Variants in GRIP2 observed in about 807,000 individuals in gnomAD.
The protein encoded by GRIP2 is glutamate receptor-interacting protein 2.
A neutral mutation model predicts 108.3 loss-of-function variants in GRIP2; 58 were observed. The ratio of observed to expected loss-of-function variants is 0.54; its 90% confidence interval spans 0.43 to 0.67. The LOEUF is 0.67. GRIP2 is among the 30% of genes least tolerant of loss of function. The pLI is 0.00. For missense variants in GRIP2, 1,278 were observed against 1,430.6 expected (o/e 0.89, Z 1.72); for synonymous variants, 586 against 598.2 (o/e 0.98, Z 0.30).
upstream of GRIP2, among the ~76,000 whole-genome samples, chr3:14,559,567 C>T (rs13084053): frequency 0.22 from 34,045 of 151,860 alleles, 4,163 homozygotes; most frequent in South Asian, 0.33. Flanking sequence ...TATTTCTCTG[C>T]CTCGTCCCAA....
the GRIP2 span, among the ~76,000 whole-genome samples, chr3:14,589,049 C>T: frequency 6.6e-6 from 1 of 152,210 alleles, no homozygotes; most frequent in Non-Finnish European, 1.5e-5. Flanking sequence ...CAAGCAAAAC[C>T]ATCTCAAGTC....
upstream of GRIP2, among the ~76,000 whole-genome samples, chr3:14,558,931 C>T (rs1374991698): frequency 6.6e-6 from 1 of 152,222 alleles, no homozygotes; most frequent in Non-Finnish European, 1.5e-5. Flanking sequence ...CTACGGCTGT[C>T]CTGGGTCAAA....
At chr3:14,515,805 A>G (rs750189826) in intron 11 of GRIP2, among the ~76,000 whole-genome samples, 4 of 151,652 alleles carry the variant, frequency 2.6e-5, no homozygotes, top group Non-Finnish European at 5.9e-5. Flanking sequence ...AATTTGTTGT[A>G]TTTTTGGTAG....
At chr3:14,594,938 C>T in the GRIP2 span, among the ~76,000 whole-genome samples, 1 of 152,182 alleles carries the variant, frequency 6.6e-6, no homozygotes, top group Non-Finnish European at 1.5e-5. Context: ...ACCCTGTCAC[C>T]CAGGCCAAAG....
In GRIP2 at chr3:14,517,835, G is replaced by C. The variant is rs1444430398; in HGVS notation, c.1093C>G (p.Pro365Ala). The change falls in exon 10 of 24, where the codon CCC becomes GCC. Residue 365 changes from proline (P) to alanine (A), a missense_variant. Transcript: ENST00000621039. ...GGCATCCTGCAGTGGCCGGGCCGGG[G>C]GCTGTGGCAGGAGGGCACGCAGGGG... ...WDPCVPSCHSPRPGHCRMPTW... is the reference protein window; with the variant it reads ...WDPCVPSCHSARPGHCRMPTW... 4.4e-6 allele frequency: 7 copies of C among 1,604,266 alleles called. No individual in the cohort carries two copies. The East Asian group carries it at 1.1e-4, about 26-fold the overall frequency.
the GRIP2 span, among the ~76,000 whole-genome samples, chr3:14,603,004 C>A: frequency 2.0e-5 from 3 of 146,920 alleles, no homozygotes; most frequent in Non-Finnish European, 4.5e-5. Flanking sequence ...CCCTGCGGCC[C>A]GGCCCGGCCT....
In GRIP2 at chr3:14,509,890, T is replaced by C. The variant is rs1206827375; in HGVS notation, c.2008A>G (p.Ile670Val). 6.5e-7 allele frequency: 1 copy of C among 1,547,228 alleles called. No homozygotes were observed. The highest frequency in any genetic ancestry group is 1.2e-5 in the South Asian group (1 of 81,798). ...TCAAAAGGTTCCTCCGTGCCCGAAA[T>C]GGTGATGCCCAGGGGACCCCCGTAG... ...KRYGGPLGIT[I>V]SGTEEPFDPI... is the part of the protein sequence containing the mutation. The change falls in exon 17 of 24, where the codon ATT becomes GTT. Residue 670 changes from isoleucine (I) to valine (V), a missense_variant. By Grantham distance (29) the Ile-to-Val change is conservative. Transcript: ENST00000621039.
the GRIP2 span, among the ~76,000 whole-genome samples, chr3:14,586,807 A>G: frequency 6.6e-6 from 1 of 152,226 alleles, no homozygotes; most frequent in Non-Finnish European, 1.5e-5. Context: ...ACCATGGGGG[A>G]ACAGGTAAAT....
the GRIP2 span, among the ~76,000 whole-genome samples, chr3:14,590,934 A>AT: frequency 2.0e-5 from 3 of 152,288 alleles, no homozygotes; most frequent in East Asian, 5.8e-4. Flanking sequence ...CTGGTAACTG[A>AT]TTTTTTAAGC....
chr3:14,574,174 A>G, the GRIP2 span: 1 of 890,774 alleles, frequency 1.1e-6, no homozygotes, highest in Non-Finnish European at 1.9e-6. Flanking sequence ...GTGACGAGCA[A>G]GTGCACGAAG....
chr3:14,573,113 G>T, the GRIP2 span: 6 of 1,431,306 alleles, frequency 4.2e-6, no homozygotes, highest in African/African-American at 5.6e-5. Flanking sequence ...GGGCAAAGTT[G>T]TCGATCCAGG....
the GRIP2 span, among the ~76,000 whole-genome samples, chr3:14,586,063 G>A: frequency 3.9e-5 from 6 of 152,192 alleles, no homozygotes; most frequent in South Asian, 2.1e-4. Context: ...ACTGGCCTCC[G>A]TTCTTCAAAC....
At chr3:14,599,681 C>CTGTG in the GRIP2 span, among the ~76,000 whole-genome samples, 1,211 of 130,474 alleles carry the variant, frequency 9.3e-3, 9 homozygotes, top group Non-Finnish European at 0.012. Flanking sequence ...CTCTCTCTCT[C>CTGTG]TCTCTGTGTG....
intron 21 of GRIP2, 71 bp downstream of exon 21, chr3:14,503,495 T>C: frequency 9.6e-7 from 1 of 1,046,442 alleles, no homozygotes; most frequent in South Asian, 1.4e-5. Flanking sequence ...CATGCCTTCC[T>C]CCCATTGCAC....
chr3:14,495,940 G>A (rs1361308410), intron 22 of GRIP2, among the ~76,000 whole-genome samples: 1 of 152,138 alleles, frequency 6.6e-6, no homozygotes, highest in South Asian at 2.1e-4. Flanking sequence ...GAACCCAGGA[G>A]TTTGAGACCA....
intron 1 of GRIP2, among the ~76,000 whole-genome samples, chr3:14,536,174 T>A (rs1441463763): frequency 6.6e-6 from 1 of 152,228 alleles, no homozygotes; most frequent in Non-Finnish European, 1.5e-5. Context: ...AGAACCTTAA[T>A]AAGTAGCACC....
chr3:14,496,549 C>G lies in GRIP2; in HGVS notation c.2691G>C (p.Met897Ile). The G allele has an allele frequency of 6.3e-7, 1 of 1,594,170 alleles. No individual in the cohort carries two copies. Among genetic ancestry groups the G allele is most frequent in the Non-Finnish European group, 8.5e-7 (1 of 1,172,336 alleles). ...ELLRELEASI[M>I]TGTVQRVALE... ...GGGCCACCCTCTGCACGGTGCCCGTCATGATGGATGCCTGCAAGGAACACG... is the reference window on the plus strand; with the variant it reads ...GGGCCACCCTCTGCACGGTGCCCGTGATGATGGATGCCTGCAAGGAACACG... Residue 897 changes from methionine to isoleucine, a missense_variant, in exon 22 of 24, where the codon ATG (methionine) becomes ATC (isoleucine). Met to Ile is a conservative substitution (Grantham distance 10). Coordinates refer to ENST00000621039, the MANE Select transcript of GRIP2 (RefSeq NM_001080423.4).
chr3:14,551,199 G>T (rs571950857), intron 1 of GRIP2, among the ~76,000 whole-genome samples: 1 of 152,288 alleles, frequency 6.6e-6, no homozygotes, highest in African/African-American at 2.4e-5. Flanking sequence ...CTCCCCAGTG[G>T]GTGGGGAGAC....
chr3:14,516,589 G>A (rs750183061), intron 11 of GRIP2, among the ~76,000 whole-genome samples: 38 of 152,172 alleles, frequency 2.5e-4, no homozygotes, highest in Non-Finnish European at 4.4e-4. Flanking sequence ...AAGCAGAGAA[G>A]TAAGACTGGA....
Sources: allele counts gnomAD v4.1 joint callset (sites outside exome capture counted in the v4.1 genomes callset), GRCh38; gene constraint gnomAD v4.1.1; transcripts MANE v1.5; gene names NCBI Gene and HGNC (gene_info 2026-07-23, HGNC 2026-07-21).